Variants in ZBTB10 observed in about 807,000 individuals in gnomAD.
ZBTB10 encodes the protein zinc finger and BTB domain containing 10.
ZBTB10 carries 32 observed loss-of-function variants against 76.4 expected under a neutral mutation model. The observed-to-expected ratio is 0.42, with a 90% confidence interval of 0.32 to 0.56. The LOEUF is 0.56. Ranked by LOEUF, ZBTB10 falls within the 20% of genes least tolerant of loss-of-function variation. The pLI, the probability that ZBTB10 is intolerant of heterozygous loss-of-function variation, is 0.14. For missense variants in ZBTB10, 1,057 were observed against 1,098.5 expected, an observed-to-expected ratio of 0.96 and a Z score of 0.53; for synonymous variants, 523 against 432.9, an observed-to-expected ratio of 1.21 and a Z score of -2.58.
At chr8:80,495,268 T>C (rs1815753299) in intron 1 of ZBTB10, among the ~76,000 whole-genome samples, 1 of 152,080 alleles carries the variant, frequency 6.6e-6, no homozygotes, top group African/African-American at 2.4e-5. Context: ...TGGATGGACA[T>C]TTACCTCTGA....
chr8:80,518,764 T>C lies in ZBTB10; in HGVS notation c.2138-18T>C, dbSNP rs1173360613. On this transcript the variant is annotated intron_variant, in intron 4 of 5. Transcript: ENST00000455036. The stretch of plus-strand genomic sequence containing the variant: ...TTTAATGTGTAATAAGCACTTTCTC[T>C]TTTTTTAATTCTCATAGGTGAATCA... 1.3e-6 allele frequency: 2 copies of C among 1,589,666 alleles called. No homozygotes were observed. The highest frequency in any genetic ancestry group is 1.4e-5 in the African/African-American group (1 of 73,928).
At chr8:80,506,736 C>G (rs936317032) in intron 2 of ZBTB10, among the ~76,000 whole-genome samples, 6 of 152,162 alleles carry the variant, frequency 3.9e-5, no homozygotes, top group African/African-American at 1.4e-4. Context: ...ACAGTCATAG[C>G]TATAAAATCT....
At chr8:80,496,712 A>G (rs1815792172) in intron 1 of ZBTB10, among the ~76,000 whole-genome samples, 1 of 152,202 alleles carries the variant, frequency 6.6e-6, no homozygotes, top group African/African-American at 2.4e-5. Flanking sequence ...TATGACTGCT[A>G]CAGTAGGCAT....
chr8:80,494,922 CAAAAAAA>C (rs35629668), intron 1 of ZBTB10, among the ~76,000 whole-genome samples: 1 of 105,212 alleles, frequency 9.5e-6, no homozygotes, highest in East Asian at 3.1e-4. Flanking sequence ...GACACTGTCT[CAAAAAAA>C]AAAAAAAAAA....
At chr8:80,506,671 A>G (rs577846556) in intron 2 of ZBTB10, among the ~76,000 whole-genome samples, 1 of 148,472 alleles carries the variant, frequency 6.7e-6, no homozygotes, top group African/African-American at 2.5e-5. Flanking sequence ...AGTGTTTTGT[A>G]TAAATATTCA....
At chr8:80,485,616 T>C (rs1159468159), upstream of ZBTB10, 1 of 541,272 alleles carries the variant, frequency 1.8e-6, no homozygotes, top group African/African-American at 2.0e-5. Flanking sequence ...GTGCATTTTC[T>C]GTGAAATGAC....
intron 2 of ZBTB10, among the ~76,000 whole-genome samples, chr8:80,502,616 C>T (rs957459654): frequency 1.3e-5 from 2 of 152,004 alleles, no homozygotes; most frequent in Admixed American, 1.3e-4. Context: ...TGGTTCTATC[C>T]ATGCCACCAG....
chr8:80,518,778 A>G lies in ZBTB10; in HGVS notation c.2138-4A>G, dbSNP rs771032922. The G allele has an allele frequency of 2.5e-6, 4 of 1,602,358 alleles. No homozygotes were observed. Among genetic ancestry groups the G allele is most frequent in the Non-Finnish European group, 3.4e-6 (4 of 1,175,916 alleles). On this transcript the variant is annotated splice_polypyrimidine_tract_variant and splice_region_variant and intron_variant, in intron 4 of 5. Transcript: ENST00000455036. ...AGCACTTTCTCTTTTTTTAATTCTC[A>G]TAGGTGAATCATCTCTAATCATGAA... is the stretch of plus-strand genomic sequence containing the variant.
At chr8:80,507,688 C>T (rs1381086975) in intron 2 of ZBTB10, among the ~76,000 whole-genome samples, 1 of 152,136 alleles carries the variant, frequency 6.6e-6, no homozygotes, top group Non-Finnish European at 1.5e-5. Flanking sequence ...AATCCCTGGG[C>T]TCAAGTGATC....
At chr8:80,495,596 C>G (rs192959180) in intron 1 of ZBTB10, among the ~76,000 whole-genome samples, 1 of 152,154 alleles carries the variant, frequency 6.6e-6, no homozygotes, top group African/African-American at 2.4e-5. Flanking sequence ...AAGAGTCTTA[C>G]CCACTAACAG....
intron 2 of ZBTB10, among the ~76,000 whole-genome samples, chr8:80,505,968 C>T (rs1432661658): frequency 6.8e-6 from 1 of 146,784 alleles, no homozygotes; most frequent in Non-Finnish European, 1.5e-5. Context: ...GCTTTGTTGC[C>T]AAGGAGACTG....
At chr8:80,490,123 T>G (rs1434417530) in intron 1 of ZBTB10, among the ~76,000 whole-genome samples, 5 of 152,242 alleles carry the variant, frequency 3.3e-5, no homozygotes, top group African/African-American at 7.2e-5. Context: ...CTACTTGGGC[T>G]TAAGGTCAGA....
At chr8:80,490,027 C>T (rs1815583003) in intron 1 of ZBTB10, among the ~76,000 whole-genome samples, 1 of 152,174 alleles carries the variant, frequency 6.6e-6, no homozygotes, top group Non-Finnish European at 1.5e-5. Flanking sequence ...CTCTTTTGGG[C>T]AGAGTGCAAT....
At chr8:80,488,297 G>A (rs1402258585) in intron 1 of ZBTB10, among the ~76,000 whole-genome samples, 6 of 152,184 alleles carry the variant, frequency 3.9e-5, no homozygotes, top group Non-Finnish European at 7.3e-5. Flanking sequence ...TCAAAATAAT[G>A]TCAAGTATGA....
chr8:80,499,522 A>G lies in ZBTB10; in HGVS notation c.1001A>G (p.Tyr334Cys). 1.2e-6 allele frequency: 2 copies of G among 1,611,474 alleles called. No individual in the cohort carries two copies. Among genetic ancestry groups the G allele is most frequent in the Non-Finnish European group, 8.5e-7 (1 of 1,178,452 alleles). ...QESEIPSEEG[Y>C]CDFNSRPNEN... ...TCAGAAATACCATCAGAGGAGGGGTACTGTGACTTTAATAGTAGGCCAAAT... is the reference window on the plus strand; with the variant it reads ...TCAGAAATACCATCAGAGGAGGGGTGCTGTGACTTTAATAGTAGGCCAAAT... The change falls in exon 2 of 6, where the codon TAC (tyrosine) becomes TGC (cysteine). Residue 334 changes from tyrosine to cysteine, a missense_variant. By Grantham distance (194) the Tyr-to-Cys change is radical. This residue lies in a region of ZBTB10 where 86 missense variants were observed against 145.7 expected (regional missense o/e 0.59). Transcript: ENST00000455036.
chr8:80,523,301 A>G lies in ZBTB10; in HGVS notation c.*3773A>G, dbSNP rs1386584634. 1.3e-5 allele frequency: 2 copies of G among 148,436 alleles called. No individual in the cohort carries two copies. The highest frequency in any genetic ancestry group is 1.3e-4 in the Admixed American group (2 of 14,914). 9.2% of individuals were successfully genotyped at this position (148,436 alleles called of 1,614,324 possible). Reference sequence around the variant, plus strand: ...CAGCTCTTAATGGAGTCTATGGATTATATTTTTCCTATAAGACAGCTGTGT... The same window carrying G: ...CAGCTCTTAATGGAGTCTATGGATTGTATTTTTCCTATAAGACAGCTGTGT... On this transcript the variant is annotated 3_prime_UTR_variant, in exon 6 of 6. Coordinates refer to ENST00000455036, the MANE Select transcript of ZBTB10 (RefSeq NM_001105539.3).
At chr8:80,506,661 A>G (rs1267506457) in intron 2 of ZBTB10, among the ~76,000 whole-genome samples, 3 of 149,032 alleles carry the variant, frequency 2.0e-5, no homozygotes, top group African/African-American at 4.9e-5. Flanking sequence ...TATAAATATT[A>G]GTGTTTTGTA....
intron 2 of ZBTB10, among the ~76,000 whole-genome samples, chr8:80,506,733 T>G (rs1294162687): frequency 2.6e-5 from 4 of 152,212 alleles, no homozygotes; most frequent in South Asian, 4.1e-4. Flanking sequence ...GTTACAGTCA[T>G]AGCTATAAAA....
chr8:80,489,489 A>C (rs1396161893), intron 1 of ZBTB10, among the ~76,000 whole-genome samples: 2 of 152,204 alleles, frequency 1.3e-5, no homozygotes, highest in South Asian at 2.1e-4. Flanking sequence ...TCGGCTGTGG[A>C]CCAATTCCTC....
Sources: gnomAD v4.1 joint callset for allele counts (sites outside exome capture counted in the v4.1 genomes callset) on GRCh38, gnomAD v4.1.1 for gene constraint, gnomAD v4.1.1 regional missense constraint, MANE v1.5 for transcripts, NCBI Gene and HGNC (gene_info 2026-07-23, HGNC 2026-07-21) for gene names.